Variants in ADAMTS5 observed in about 807,000 individuals in gnomAD.
The protein encoded by ADAMTS5 is ADAM metallopeptidase with thrombospondin type 1 motif 5.
ADAMTS5 carries 54 observed loss-of-function variants against 81.4 expected under a neutral mutation model. That is an observed-to-expected ratio of 0.66 (90% CI 0.53 to 0.83). The LOEUF (loss-of-function observed/expected upper bound fraction) is 0.83. Ranked by LOEUF, ADAMTS5 falls within the 40% of genes least tolerant of loss-of-function variation. ADAMTS5 has a pLI of 0.00. For synonymous variants in ADAMTS5, 532 were observed against 508.8 expected (o/e 1.05, Z -0.61); for missense variants, 1,194 against 1,229.9 (o/e 0.97, Z 0.44).
At chr21:26,949,656 G>C (rs1022182935) in intron 2 of ADAMTS5, among the ~76,000 whole-genome samples, 1 of 152,170 alleles carries the variant, frequency 6.6e-6, no homozygotes, top group Non-Finnish European at 1.5e-5. Context: ...AGAGAAACAT[G>C]AATTGGGATT....
chr21:26,966,278 T>C lies in ADAMTS5; in HGVS notation c.114A>G (p.Ala38=), dbSNP rs912323664. The C allele has an allele frequency of 6.4e-7, 1 of 1,564,346 alleles. No individual in the cohort carries two copies. The highest frequency in any genetic ancestry group is 1.9e-5 in the Admixed American group (1 of 53,800). Residue 38 remains alanine, a synonymous_variant, in exon 1 of 8, where the codon GCA becomes GCG. Coordinates refer to ENST00000284987, the MANE Select transcript of ADAMTS5 (RefSeq NM_007038.5). ...QDKAGQPPTA[A]AAAQPRRRQG... is the part of the protein sequence containing the mutation. The stretch of plus-strand genomic sequence containing the variant: ...GCCGCCGGCGGGGCTGGGCGGCTGC[T>C]GCAGCAGTCGGAGGCTGCCCGGCTT...
chr21:26,935,728 C>T (rs1244659457), intron 3 of ADAMTS5, among the ~76,000 whole-genome samples: 2 of 152,158 alleles, frequency 1.3e-5, no homozygotes, highest in South Asian at 2.1e-4. Context: ...CTCTTCCTCT[C>T]CTTCCCCTCC....
chr21:26,965,745 G>T lies in ADAMTS5; in HGVS notation c.647C>A (p.Pro216Gln). 6.3e-7 allele frequency: 1 copy of T among 1,596,242 alleles called. No homozygotes were observed. The highest frequency in any genetic ancestry group is 8.5e-7 in the Non-Finnish European group (1 of 1,172,396). The change falls in exon 1 of 8, where the codon CCG (proline) becomes CAG (glutamine). Residue 216 changes from proline (P) to glutamine (Q), a missense_variant. Physicochemically the swap from Pro to Gln is moderately conservative, Grantham distance 76. Coordinates refer to ENST00000284987, the MANE Select transcript of ADAMTS5 (RefSeq NM_007038.5). ...CGCCGGAGCATGCTCGTGGGCCTCC[G>T]GTGTGGACGCGGGGGTTTCGCAGCT... The part of the protein sequence containing the change: ...RASCETPAST[P>Q]EAHEHAPAHS...
intron 1 of ADAMTS5, among the ~76,000 whole-genome samples, chr21:26,960,154 T>C (rs573805711): frequency 1.6e-4 from 24 of 152,320 alleles, no homozygotes; most frequent in African/African-American, 5.5e-4. Flanking sequence ...TAACATTTCT[T>C]GACCCAATCT....
chr21:26,955,896 A>T (rs1482687772), intron 1 of ADAMTS5, among the ~76,000 whole-genome samples: 1 of 152,228 alleles, frequency 6.6e-6, no homozygotes, highest in African/African-American at 2.4e-5. Context: ...TTTTAAAAAT[A>T]TACTAATTAT....
intron 2 of ADAMTS5, among the ~76,000 whole-genome samples, chr21:26,947,146 G>C (rs1987230463): frequency 6.6e-6 from 1 of 152,196 alleles, no homozygotes; most frequent in Non-Finnish European, 1.5e-5. Flanking sequence ...AAAGCAGTTT[G>C]CTTGAGCAAT....
chr21:26,957,462 T>C (rs1199946103), intron 1 of ADAMTS5, among the ~76,000 whole-genome samples: 1 of 151,980 alleles, frequency 6.6e-6, no homozygotes, highest in African/African-American at 2.4e-5. Context: ...GATAGATAGA[T>C]AGATAGATAG....
Position 26,955,316 on chromosome 21 carries a change from T to G in ADAMTS5, c.1105-445A>C, listed in dbSNP as rs545575797. Among the ~76,000 whole-genome samples, 6 of 152,276 alleles carry G rather than the reference T, an allele frequency of 3.9e-5. No individual in the cohort carries two copies. In the South Asian group the frequency reaches 1.2e-3, roughly 32 times the overall value. The stretch of plus-strand genomic sequence containing the variant: ...ACGTCTGCAGCAGAGTATAAATTTA[T>G]TAGAAATTTGGATAGAAAACTAAAT... On this transcript the variant is annotated intron_variant, in intron 1 of 7. Transcript: ENST00000284987.
intron 7 of ADAMTS5, among the ~76,000 whole-genome samples, chr21:26,928,445 T>C (rs1467159468): frequency 6.6e-6 from 1 of 152,176 alleles, no homozygotes; most frequent in Non-Finnish European, 1.5e-5. Context: ...CAGATATTAG[T>C]TGTCAGCACA....
intron 2 of ADAMTS5, among the ~76,000 whole-genome samples, chr21:26,948,216 G>A (rs1241619306): frequency 6.6e-6 from 1 of 152,106 alleles, no homozygotes; most frequent in Non-Finnish European, 1.5e-5. Context: ...TTCAACCCAG[G>A]CATTACTGTA....
Position 26,919,411 on chromosome 21 carries a change from C to T in ADAMTS5, c.*4642G>A, listed in dbSNP as rs1041858009. 6.6e-6 allele frequency: 1 copy of T among 151,614 alleles called. No individual in the cohort carries two copies. The highest frequency in any genetic ancestry group is 6.6e-5 in the Admixed American group (1 of 15,184). The allele number at this position is 151,614 out of a possible 1,614,324, so 9.4% of individuals were successfully genotyped here. ...AAGACCAGAGACAGCAAAATTATTG[C>T]TAATGTGCAACTATATTAGTAGAAT... On this transcript the variant is annotated 3_prime_UTR_variant, in exon 8 of 8. Transcript: ENST00000284987.
At chr21:26,956,421 C>T (rs555902745) in intron 1 of ADAMTS5, among the ~76,000 whole-genome samples, 5 of 152,270 alleles carry the variant, frequency 3.3e-5, no homozygotes, top group Non-Finnish European at 7.4e-5. Context: ...CCAAAGTTTC[C>T]TGTATATCCT....
intron 7 of ADAMTS5, 121 bp from the exon 8 acceptor site, chr21:26,924,741 C>A: frequency 1.2e-6 from 1 of 853,370 alleles, no homozygotes; most frequent in Non-Finnish European, 1.8e-6. Context: ...CTTCTCTTAA[C>A]ACACAGTTTT....
At chr21:26,936,765 C>A (rs763972710) in intron 3 of ADAMTS5, among the ~76,000 whole-genome samples, 1 of 151,914 alleles carries the variant, frequency 6.6e-6, no homozygotes, top group Non-Finnish European at 1.5e-5. Flanking sequence ...AACATCAAGC[C>A]GATAGGAAAG....
intron 3 of ADAMTS5, among the ~76,000 whole-genome samples, chr21:26,937,803 C>T (rs1049425761): frequency 6.6e-6 from 1 of 152,198 alleles, no homozygotes; most frequent in African/African-American, 2.4e-5. Flanking sequence ...ATTTTATTCT[C>T]AACCACTTCT....
chr21:26,932,809 A>G, intron 5 of ADAMTS5, 52 bp downstream of exon 5: 1 of 1,541,744 alleles, frequency 6.5e-7, no homozygotes, highest in South Asian at 1.3e-5. Context: ...TATTGCTAGA[A>G]TACAAATGAC....
chr21:26,931,251 T>G (rs1361933563), intron 6 of ADAMTS5, among the ~76,000 whole-genome samples: 2 of 152,124 alleles, frequency 1.3e-5, no homozygotes, highest in Non-Finnish European at 2.9e-5. Flanking sequence ...TTCACCATGT[T>G]GGTCAGGATG....
At chr21:26,964,123 A>G (rs1169242909) in intron 1 of ADAMTS5, among the ~76,000 whole-genome samples, 1 of 152,174 alleles carries the variant, frequency 6.6e-6, no homozygotes, top group African/African-American at 2.4e-5. Flanking sequence ...ATAATACTTC[A>G]AAGTTTGTAA....
Position 26,931,336 on chromosome 21 carries a change from C to T in ADAMTS5, c.2049+668G>A, listed in dbSNP as rs148414706. On this transcript the variant is annotated intron_variant, in intron 6 of 7. Coordinates refer to ENST00000284987, the MANE Select transcript of ADAMTS5 (RefSeq NM_007038.5). ...CTGGGATTACGGGTGTGAGCCACTG[C>T]GCCCAGCCATAGGTGATTTTAAATG... Among the ~76,000 whole-genome samples, 331 of 152,254 alleles carry T rather than the reference C, an allele frequency of 2.2e-3. 3 individuals carry two copies. Among genetic ancestry groups the T allele is most frequent in the African/African-American group, 7.1e-3 (294 of 41,538 alleles).
Sources: allele counts gnomAD v4.1 joint callset (sites outside exome capture counted in the v4.1 genomes callset), GRCh38; gene constraint gnomAD v4.1.1; transcripts MANE v1.5; gene names NCBI Gene and HGNC (gene_info 2026-07-23, HGNC 2026-07-21).